The following PCDHA2 variants were observed in gnomAD, a reference collection of about 807,000 sequenced individuals.
The protein encoded by PCDHA2 is protocadherin alpha-2.
A neutral mutation model predicts 66.0 loss-of-function variants in PCDHA2; 58 were observed. The ratio of observed to expected loss-of-function variants is 0.88; its 90% CI spans 0.71 to 1.09. The LOEUF (loss-of-function observed/expected upper bound fraction) is 1.09. Ranked by LOEUF, PCDHA2 falls within the 50% of genes least tolerant of loss-of-function variation. The pLI is 0.00. For synonymous variants in PCDHA2, 634 were observed against 554.0 expected (o/e 1.14, Z -2.03); for missense variants, 1,267 against 1,242.3 (o/e 1.02, Z -0.30).
chr5:140,813,245 C>T (rs1270157718), intron 1 of PCDHA2: 2 of 152,186 alleles, frequency 1.3e-5, no homozygotes, highest in Admixed American at 6.5e-5. Context: ...ATACCAAAAT[C>T]TCCTACTACA....
intron 3 of PCDHA2, among the ~76,000 whole-genome samples, chr5:141,000,764 A>G (rs1371396511): frequency 2.0e-5 from 3 of 151,808 alleles, no homozygotes; most frequent in Non-Finnish European, 4.4e-5. Context: ...AATCTTAGCC[A>G]GGCATAGTGG....
intron 1 of PCDHA2, chr5:140,858,192 T>A: frequency 6.3e-7 from 1 of 1,597,272 alleles, no homozygotes; most frequent in Non-Finnish European, 8.6e-7. Context: ...ACGCTGCTGC[T>A]GTACACTGCA....
chr5:140,928,940 A>G (rs2085663832), intron 1 of PCDHA2: 1 of 1,613,944 alleles, frequency 6.2e-7, no homozygotes. Flanking sequence ...CAGAACTTGT[A>G]TTTAGTAATT....
At chr5:140,956,195 G>A (rs1324151692) in intron 1 of PCDHA2, among the ~76,000 whole-genome samples, 1 of 152,178 alleles carries the variant, frequency 6.6e-6, no homozygotes, top group Non-Finnish European at 1.5e-5. Flanking sequence ...CTGAATAGGA[G>A]TGGTGAAAGA....
At chr5:140,824,019 G>A in intron 1 of PCDHA2, 3 of 1,614,082 alleles carry the variant, frequency 1.9e-6, no homozygotes, top group Admixed American at 1.7e-5. Flanking sequence ...GGAGCTGGTC[G>A]TACTCGCAGC....
At chr5:140,982,336 A>G in intron 2 of PCDHA2, 139 bp from the exon 3 acceptor site, 1 of 1,449,074 alleles carries the variant, frequency 6.9e-7, no homozygotes, top group Non-Finnish European at 9.2e-7. Context: ...GCTCAGCAGT[A>G]ATTGCTTCAG....
At chr5:140,876,456 T>C (rs2056356318) in intron 1 of PCDHA2, 11 of 1,613,932 alleles carry the variant, frequency 6.8e-6, no homozygotes, top group Non-Finnish European at 8.5e-6. Context: ...AAGGGATTCC[T>C]TCCATGGCAG....
chr5:141,000,173 C>T (rs2097895007), intron 3 of PCDHA2, among the ~76,000 whole-genome samples: 1 of 151,968 alleles, frequency 6.6e-6, no homozygotes, highest in Non-Finnish European at 1.5e-5. Flanking sequence ...ATTATTGAGC[C>T]AAGGAGTCAA....
At position 140,796,239 on chromosome 5, in the gene PCDHA2, G is replaced by A; in HGVS notation, c.1275G>A (p.Val425=). 2 of 1,614,168 alleles carry A rather than the reference G, an allele frequency of 1.2e-6. No individual in the cohort carries two copies. The highest frequency in any genetic ancestry group is 1.7e-6 in the Non-Finnish European group (2 of 1,180,048). Residue 425 remains valine (V), a synonymous_variant, in exon 1 of 4, where the codon GTG becomes GTA. Transcript: ENST00000526136. ...RESVSAYELV[V]TARDGGSPSL... is the part of the protein sequence containing the mutation. ...GCGTGTCAGCCTATGAGCTGGTGGT[G>A]ACCGCACGGGACGGGGGCTCGCCTT...
chr5:140,804,968 G>A, intron 1 of PCDHA2: 1 of 1,463,148 alleles, frequency 6.8e-7, no homozygotes, highest in Non-Finnish European at 9.1e-7. Context: ...AGTAGCCATA[G>A]TGTGTCCATC....
At chr5:140,815,583 T>A (rs1203023917) in intron 1 of PCDHA2, 2 of 152,166 alleles carry the variant, frequency 1.3e-5, no homozygotes, top group African/African-American at 2.4e-5. Flanking sequence ...AATCAGATTT[T>A]AAAATATCAG....
At chr5:140,871,654 A>G in intron 1 of PCDHA2, 3 of 1,238,202 alleles carry the variant, frequency 2.4e-6, no homozygotes, top group East Asian at 2.6e-5. Context: ...CAAATGATAC[A>G]CATCTTCAGT....
At chr5:140,857,626 G>T in intron 1 of PCDHA2, 1 of 1,596,672 alleles carries the variant, frequency 6.3e-7, no homozygotes, top group Non-Finnish European at 8.6e-7. Flanking sequence ...ACCACGAGGA[G>T]CTGGAGCTGC....
chr5:140,834,595 G>C (rs2150222436), intron 1 of PCDHA2: 5 of 1,614,156 alleles, frequency 3.1e-6, no homozygotes, highest in East Asian at 2.2e-5. Flanking sequence ...TGCAAATTCC[G>C]TGGGGATCTT....
intron 3 of PCDHA2, among the ~76,000 whole-genome samples, chr5:140,985,406 GA>G (rs1554247033): frequency 6.6e-6 from 1 of 152,136 alleles, no homozygotes; most frequent in Non-Finnish European, 1.5e-5. Flanking sequence ...TGTTCCCCTG[GA>G]AATGGAGTGA....
At chr5:140,995,168 A>G (rs1554254492) in intron 3 of PCDHA2, among the ~76,000 whole-genome samples, 1 of 152,186 alleles carries the variant, frequency 6.6e-6, no homozygotes. Context: ...ATGTTCTTTC[A>G]TAGGTGCACC....
chr5:140,876,148 G>A, intron 1 of PCDHA2: 1 of 1,613,954 alleles, frequency 6.2e-7, no homozygotes, highest in East Asian at 2.2e-5. Context: ...AACAGGGTCT[G>A]TCCAGATTCA....
In PCDHA2 at chr5:140,829,584, G is replaced by A. The variant is rs1198811288; in HGVS notation, c.2388+32232G>A. ...GTGTCCTACTCGCTGGTGGAGCGGC[G>A]GGTGGGCGAGCGCGCGTTGTCGAGC... On this transcript the variant is annotated intron_variant, in intron 1 of 3. Coordinates refer to ENST00000526136, the MANE Select transcript of PCDHA2 (RefSeq NM_018905.3). 5 of 1,612,124 alleles carry A rather than the reference G, an allele frequency of 3.1e-6. No individual in the cohort carries two copies. In the African/African-American group the frequency reaches 5.3e-5, roughly 17 times the overall value.
At chr5:140,960,400 G>T (rs566510688) in intron 1 of PCDHA2, among the ~76,000 whole-genome samples, 4 of 152,114 alleles carry the variant, frequency 2.6e-5, no homozygotes, top group African/African-American at 9.6e-5. Context: ...ATGCAAGGGG[G>T]GGTGCCCAAA....
Sources: gnomAD v4.1 joint callset for allele counts (sites outside exome capture counted in the v4.1 genomes callset) on GRCh38, gnomAD v4.1.1 for gene constraint, MANE v1.5 for transcripts, NCBI Gene and HGNC (gene_info 2026-07-23, HGNC 2026-07-21) for gene names.